KCNIP4: variants seen among roughly 807,000 people sequenced by gnomAD.
The protein encoded by KCNIP4 is Kv channel-interacting protein 4.
Under a neutral mutation model 34.0 loss-of-function variants are expected in KCNIP4, and 12 were observed. The observed-to-expected ratio is 0.35, with a 90% confidence interval of 0.23 to 0.57. The LOEUF is 0.57. KCNIP4 is among the 20% of genes least tolerant of loss of function. KCNIP4 has a pLI of 0.83. For synonymous variants in KCNIP4, 124 were observed against 102.2 expected (o/e 1.21, Z -1.29); for missense variants, 238 against 311.7 (o/e 0.76, Z 1.78).
chr4:20,839,511 G>T (rs559116278), intron 3 of KCNIP4, among the ~76,000 whole-genome samples: 20 of 140,406 alleles, frequency 1.4e-4, no homozygotes, highest in African/African-American at 4.2e-4. Context: ...TATATATATA[G>T]ATAGGTTATT....
At position 20,772,710 on chromosome 4, in the gene KCNIP4, C is replaced by T. The variant is rs183972777; in HGVS notation, c.289-13820G>A. 2.5e-3 allele frequency among the ~76,000 whole-genome samples: 382 copies of T among 151,908 alleles called. 3 individuals are homozygous for T. Among genetic ancestry groups the T allele is most frequent in the Admixed American group, 8.4e-3 (129 of 15,270 alleles). Reference sequence around the variant, plus strand: ...AGGCTGGAATACAATGGCACAATCTCGGCTCACTGCAACCTCCATCTCCTA... The same window carrying T: ...AGGCTGGAATACAATGGCACAATCTTGGCTCACTGCAACCTCCATCTCCTA... On this transcript the variant is annotated intron_variant, in intron 3 of 8. Transcript: ENST00000382152.
intron 1 of KCNIP4, among the ~76,000 whole-genome samples, chr4:20,915,008 T>G (rs1428879760): frequency 6.6e-6 from 1 of 152,202 alleles, no homozygotes; most frequent in Non-Finnish European, 1.5e-5. Flanking sequence ...TACACAACCT[T>G]GCAGTAAGAG....
At chr4:21,701,941 TGATCTGC>T (rs1262791601) in intron 1 of KCNIP4, among the ~76,000 whole-genome samples, 14 of 152,254 alleles carry the variant, frequency 9.2e-5, no homozygotes, top group African/African-American at 2.6e-4. Flanking sequence ...TGACCTCAGA[TGATCTGC>T]TTGCGTTGGC....
chr4:21,485,304 C>CT (rs1731807842), intron 1 of KCNIP4, among the ~76,000 whole-genome samples: 1 of 152,148 alleles, frequency 6.6e-6, no homozygotes, highest in Non-Finnish European at 1.5e-5. Flanking sequence ...CATTCAATTA[C>CT]TACTCACTGC....
chr4:21,774,231 A>C (rs185948224), intron 1 of KCNIP4, among the ~76,000 whole-genome samples: 4 of 152,208 alleles, frequency 2.6e-5, no homozygotes, highest in Admixed American at 1.3e-4. Context: ...CCGGGTTGAA[A>C]ATTCTTTTCT....
At chr4:21,343,551 C>T (rs557299820) in intron 1 of KCNIP4, among the ~76,000 whole-genome samples, 12 of 152,184 alleles carry the variant, frequency 7.9e-5, no homozygotes, top group Admixed American at 5.2e-4. Context: ...TGAAACAATT[C>T]GACCCATAGA....
chr4:21,211,441 T>C (rs937040772), intron 1 of KCNIP4, among the ~76,000 whole-genome samples: 2 of 152,018 alleles, frequency 1.3e-5, no homozygotes, highest in Admixed American at 6.6e-5. Flanking sequence ...CTCATAAAAG[T>C]GCGGACCCGA....
At chr4:21,043,542 T>A (rs1044061965) in intron 1 of KCNIP4, among the ~76,000 whole-genome samples, 1 of 151,960 alleles carries the variant, frequency 6.6e-6, no homozygotes, top group African/African-American at 2.4e-5. Flanking sequence ...TTTTGCCATG[T>A]TGGCCAGGCT....
intron 1 of KCNIP4, among the ~76,000 whole-genome samples, chr4:21,685,871 G>A (rs1413011155): frequency 6.6e-6 from 1 of 152,166 alleles, no homozygotes; most frequent in Non-Finnish European, 1.5e-5. Flanking sequence ...GGCTAGGAGG[G>A]CATCATTGGA....
intron 1 of KCNIP4, among the ~76,000 whole-genome samples, chr4:21,260,229 A>G (rs544793612): frequency 6.6e-6 from 1 of 152,272 alleles, no homozygotes; most frequent in East Asian, 1.9e-4. Flanking sequence ...GGTCAATTTG[A>G]AACATTCTGG....
intron 1 of KCNIP4, among the ~76,000 whole-genome samples, chr4:20,889,356 T>G (rs1725665848): frequency 6.6e-6 from 1 of 152,292 alleles, no homozygotes; most frequent in African/African-American, 2.4e-5. Context: ...TTGCTATTTC[T>G]TTGAGCAGTC....
intron 3 of KCNIP4, among the ~76,000 whole-genome samples, chr4:20,785,065 A>T (rs1399533246): frequency 6.6e-6 from 1 of 152,152 alleles, no homozygotes; most frequent in Admixed American, 6.5e-5. Context: ...ACAGTTTAAT[A>T]GAGAGGAAAC....
chr4:21,841,753 T>G (rs2109321328), intron 1 of KCNIP4, among the ~76,000 whole-genome samples: 1 of 152,260 alleles, frequency 6.6e-6, no homozygotes, highest in South Asian at 2.1e-4. Context: ...AAATCCTAAA[T>G]GATATTTTTA....
At position 21,369,825 on chromosome 4, in the gene KCNIP4, T is replaced by C. The variant is rs369995012; in HGVS notation, c.62-487116A>G. Among the ~76,000 whole-genome samples the C allele has an allele frequency of 9.7e-3, 1,326 of 136,384 alleles. 31 individuals are homozygous for C. Among genetic ancestry groups the C allele is most frequent in the South Asian group, 0.053 (220 of 4,182 alleles). 89.5% of individuals were successfully genotyped at this position (136,384 alleles called of 152,430 possible). ...GAGACCTTAACCCAAATAATTTTTT[T>C]TTTTTTTTTTTTTTTAGACGGAGTC... is the stretch of plus-strand genomic sequence containing the variant. On this transcript the variant is annotated intron_variant, in intron 1 of 8. Transcript: ENST00000382152.
At chr4:21,583,988 C>A (rs1200415977) in intron 1 of KCNIP4, among the ~76,000 whole-genome samples, 1 of 151,984 alleles carries the variant, frequency 6.6e-6, no homozygotes, top group Non-Finnish European at 1.5e-5. Flanking sequence ...CTCCACAATG[C>A]CTGGCAGATA....
At chr4:21,837,954 T>C (rs1723453190) in intron 1 of KCNIP4, among the ~76,000 whole-genome samples, 2 of 152,178 alleles carry the variant, frequency 1.3e-5, no homozygotes, top group African/African-American at 2.4e-5. Flanking sequence ...ATGCCTGTCA[T>C]TTTGTGGCAT....
At chr4:21,385,203 G>A (rs144647889) in intron 1 of KCNIP4, among the ~76,000 whole-genome samples, 1 of 152,164 alleles carries the variant, frequency 6.6e-6, no homozygotes, top group Admixed American at 6.5e-5. Flanking sequence ...TGGAGTGAGA[G>A]AGGTGACCAA....
intron 1 of KCNIP4, among the ~76,000 whole-genome samples, chr4:20,960,194 G>T (rs868747374): frequency 6.6e-6 from 1 of 152,106 alleles, no homozygotes; most frequent in South Asian, 2.1e-4. Flanking sequence ...ATGCCCCCTT[G>T]TCCCAAATTG....
intron 1 of KCNIP4, among the ~76,000 whole-genome samples, chr4:21,815,655 C>G (rs552254393): frequency 6.6e-6 from 1 of 152,134 alleles, no homozygotes; most frequent in Admixed American, 6.6e-5. Flanking sequence ...GTTTTGTTAT[C>G]ATTTGATATA....
Sources: gnomAD v4.1 joint callset for allele counts (sites outside exome capture counted in the v4.1 genomes callset) on GRCh38, gnomAD v4.1.1 for gene constraint, MANE v1.5 for transcripts, NCBI Gene and HGNC (gene_info 2026-07-23, HGNC 2026-07-21) for gene names.